The following CDYL variants were observed in gnomAD, a reference collection of about 807,000 sequenced individuals.
CDYL encodes chromodomain Y-like protein.
A neutral mutation model predicts 47.3 loss-of-function variants in CDYL; 8 were observed. That is an observed-to-expected ratio of 0.17 (90% confidence interval 0.10 to 0.31). The LOEUF is 0.31. CDYL is among the 10% of genes least tolerant of loss of function. The probability of loss-of-function intolerance (pLI) is 1.00; values close to 1 mark genes in which losing one functional copy is unlikely to be tolerated. For synonymous variants in CDYL, 266 were observed against 265.0 expected (o/e 1.00, Z -0.04); for missense variants, 471 against 701.4 (o/e 0.67, Z 3.71).
chr6:4,763,934 C>G (rs1758213498), intron 3 of CDYL, among the ~76,000 whole-genome samples: 1 of 152,106 alleles, frequency 6.6e-6, no homozygotes, highest in Admixed American at 6.5e-5. Flanking sequence ...CAGAGTGAGA[C>G]TCCATCCCCC....
At chr6:4,709,137 A>G (rs1325956496) in intron 1 of CDYL, among the ~76,000 whole-genome samples, 1 of 152,096 alleles carries the variant, frequency 6.6e-6, no homozygotes, top group East Asian at 1.9e-4. Context: ...CATACACCTC[A>G]TGCTTCTTAG....
chr6:4,891,798 A>G lies in CDYL; in HGVS notation c.110A>G (p.Asp37Gly), dbSNP rs1762049779. Residue 37 changes from aspartate (D) to glycine (G), a missense_variant, in exon 2 of 7, where the codon GAC becomes GGC. By Grantham distance (94) the Asp-to-Gly change is moderately conservative. Coordinates refer to ENST00000397588, the MANE Select transcript of CDYL (RefSeq NM_004824.4). Reference sequence around the variant, plus strand: ...TGGAAAGGCTATGACAGCGAGGACGACACTTGGGAGCCGGAACAGCACCTC... The same window carrying G: ...TGGAAAGGCTATGACAGCGAGGACGGCACTTGGGAGCCGGAACAGCACCTC... ...VRWKGYDSED[D>G]TWEPEQHLVN... The G allele has an allele frequency of 1.9e-6, 3 of 1,614,104 alleles. No homozygotes were observed. Among genetic ancestry groups the G allele is most frequent in the African/African-American group, 1.3e-5 (1 of 74,926 alleles).
At chr6:4,729,183 C>T (rs1210692048) in intron 2 of CDYL, among the ~76,000 whole-genome samples, 1 of 152,168 alleles carries the variant, frequency 6.6e-6, no homozygotes, top group Non-Finnish European at 1.5e-5. Flanking sequence ...TCCAAACACA[C>T]AAACCCAGCT....
intron 2 of CDYL, among the ~76,000 whole-genome samples, chr6:4,925,377 G>A (rs953969140): frequency 3.4e-5 from 5 of 148,074 alleles, no homozygotes; most frequent in African/African-American, 7.5e-5. Context: ...TTTGTTATGC[G>A]TCTGTCCTCA....
chr6:4,845,825 A>T (rs1430918090), intron 1 of CDYL, among the ~76,000 whole-genome samples: 1 of 152,202 alleles, frequency 6.6e-6, no homozygotes, highest in Non-Finnish European at 1.5e-5. Flanking sequence ...TTTGCAGGCC[A>T]TGCCGAAACA....
intron 3 of CDYL, among the ~76,000 whole-genome samples, chr6:4,764,505 G>A (rs893583905): frequency 7.2e-5 from 11 of 152,066 alleles, no homozygotes; most frequent in Admixed American, 2.0e-4. Context: ...GGTCAGGCTG[G>A]TCTCAAGCTC....
At chr6:4,801,006 C>G (rs1225796467) in intron 1 of CDYL, among the ~76,000 whole-genome samples, 3 of 152,162 alleles carry the variant, frequency 2.0e-5, no homozygotes, top group African/African-American at 7.2e-5. Flanking sequence ...TTTCCTCTCT[C>G]TAGAGTCCAA....
At chr6:4,714,284 CAG>C (rs1258255681) in intron 1 of CDYL, 6 of 152,126 alleles carry the variant, frequency 3.9e-5, no homozygotes, top group South Asian at 2.1e-4. Context: ...CAAGTTCTGA[CAG>C]AGTAAGGAAG....
intron 2 of CDYL, among the ~76,000 whole-genome samples, chr6:4,915,220 G>T (rs373271910): frequency 8.1e-4 from 124 of 152,300 alleles, no homozygotes; most frequent in African/African-American, 2.9e-3. Context: ...ATTTGTCAAA[G>T]ATTTGTTTTG....
At chr6:4,859,896 T>C (rs1019633985) in intron 1 of CDYL, among the ~76,000 whole-genome samples, 3 of 148,526 alleles carry the variant, frequency 2.0e-5, no homozygotes, top group Non-Finnish European at 4.4e-5. Context: ...TCTTTTTTTG[T>C]CTTTTTTTTT....
chr6:4,854,066 C>G (rs1020057399), intron 1 of CDYL, among the ~76,000 whole-genome samples: 14 of 152,198 alleles, frequency 9.2e-5, no homozygotes, highest in Non-Finnish European at 1.8e-4. Flanking sequence ...ACACGTGTCC[C>G]TGGGGGTGTA....
intron 2 of CDYL, among the ~76,000 whole-genome samples, chr6:4,915,581 C>T (rs1757534888): frequency 1.3e-5 from 2 of 152,176 alleles, no homozygotes; most frequent in Non-Finnish European, 2.9e-5. Context: ...AATCCTAATA[C>T]TGACAGAACA....
intron 5 of CDYL, among the ~76,000 whole-genome samples, chr6:4,949,196 G>T (rs1053597677): frequency 6.6e-6 from 1 of 152,248 alleles, no homozygotes; most frequent in African/African-American, 2.4e-5. Flanking sequence ...GTGCATGGAG[G>T]ATGGCACGGT....
intron 1 of CDYL, among the ~76,000 whole-genome samples, chr6:4,833,851 CT>C (rs1477661269): frequency 6.6e-6 from 1 of 151,996 alleles, no homozygotes; most frequent in African/African-American, 2.4e-5. Flanking sequence ...CTCCTTTGAT[CT>C]TTGTTGGTTT....
intron 3 of CDYL, among the ~76,000 whole-genome samples, chr6:4,737,872 G>A (rs1275605808): frequency 6.6e-6 from 1 of 152,064 alleles, no homozygotes; most frequent in Non-Finnish European, 1.5e-5. Flanking sequence ...GTTTAAAAAC[G>A]TAAATTGAAT....
chr6:4,782,960 T>C (rs1335358972), intron 1 of CDYL, among the ~76,000 whole-genome samples: 3 of 152,222 alleles, frequency 2.0e-5, no homozygotes, highest in African/African-American at 7.2e-5. Flanking sequence ...CTAAAGATAG[T>C]CAGTATTTAA....
At chr6:4,891,465 C>G (rs1016535471) in intron 1 of CDYL, among the ~76,000 whole-genome samples, 2 of 152,196 alleles carry the variant, frequency 1.3e-5, no homozygotes, top group Non-Finnish European at 2.9e-5. Flanking sequence ...CTTTCAGTCA[C>G]AAGAAACATA....
intron 2 of CDYL, among the ~76,000 whole-genome samples, chr6:4,933,681 CTGAG>C: frequency 6.6e-6 from 1 of 152,306 alleles, no homozygotes; most frequent in African/African-American, 2.4e-5. Context: ...AAAGTCTTTC[CTGAG>C]TCCCTCAGAA....
At chr6:4,865,333 G>T (rs1761290656) in intron 1 of CDYL, among the ~76,000 whole-genome samples, 1 of 152,194 alleles carries the variant, frequency 6.6e-6, no homozygotes, top group South Asian at 2.1e-4. Flanking sequence ...ATTGGAATTA[G>T]CTTAGACTGT....
Sources: allele counts gnomAD v4.1 joint callset (sites outside exome capture counted in the v4.1 genomes callset), GRCh38; gene constraint gnomAD v4.1.1; transcripts MANE v1.5; gene names NCBI Gene and HGNC (gene_info 2026-07-23, HGNC 2026-07-21).